The following STK11IP variants were observed in gnomAD, a reference collection of about 807,000 sequenced individuals.
STK11IP encodes the protein serine/threonine-protein kinase 11-interacting protein.
In STK11IP, 103 loss-of-function variants were observed where a neutral mutation model predicts 131.7. The observed-to-expected ratio is 0.78, with a 90% CI of 0.67 to 0.92. The LOEUF is 0.92. STK11IP is among the 40% of genes least tolerant of loss of function. The pLI is 0.00. For synonymous variants in STK11IP, 557 were observed against 575.6 expected, an observed-to-expected ratio of 0.97 and a Z score of 0.46; for missense variants, 1,315 against 1,385.7, an observed-to-expected ratio of 0.95 and a Z score of 0.81.
chr2:219,613,711 ACT>A, intron 20 of STK11IP, 39 bp from the exon 21 acceptor site: 1 of 1,610,818 alleles, frequency 6.2e-7, no homozygotes, highest in Non-Finnish European at 8.5e-7. Flanking sequence ...CTCTCACTCC[ACT>A]CTCATGCTTC....
chr2:219,606,286 C>T lies in STK11IP; in HGVS notation c.941C>T (p.Thr314Ile), dbSNP rs1352671659. Reference protein sequence around the residue: ...YLSPRARDAATGFLLDGKVLS... With the variant: ...YLSPRARDAAIGFLLDGKVLS... ...TCACCCCGGGCCAGGGATGCTGCTA[C>T]TGGCGTGAGTGATCGTCCTGTGTCC... The change falls in exon 10 of 25, where the codon ACT becomes ATT. Residue 314 changes from threonine (T) to isoleucine (I), a missense_variant. Coordinates refer to ENST00000456909, the MANE Select transcript of STK11IP (RefSeq NM_052902.4). 1 of 1,564,764 alleles carries T rather than the reference C, an allele frequency of 6.4e-7. No homozygotes were observed. The highest frequency in any genetic ancestry group is 8.7e-7 in the Non-Finnish European group (1 of 1,154,324).
intron 7 of STK11IP, among the ~76,000 whole-genome samples, chr2:219,605,076 C>A (rs976885190): frequency 2.0e-5 from 3 of 152,210 alleles, no homozygotes; most frequent in Non-Finnish European, 4.4e-5. Context: ...GTGATCCCCC[C>A]TCTTTGGCCT....
At chr2:219,602,635 AG>A (rs1698026076) in intron 6 of STK11IP, 60 bp downstream of exon 6, 3 of 1,611,240 alleles carry the variant, frequency 1.9e-6, no homozygotes, top group Non-Finnish European at 2.5e-6. Flanking sequence ...TTTGGGGAGG[AG>A]GGCCAGCTGG....
intron 15 of STK11IP, 120 bp from the exon 16 acceptor site, chr2:219,608,977 G>A (rs1458213101): frequency 1.4e-5 from 15 of 1,034,868 alleles, no homozygotes; most frequent in Middle Eastern, 2.6e-4. Flanking sequence ...GAGCTTGGAC[G>A]TCAGTACAGG....
rs1252109794 is a variant in STK11IP, at chr2:219,613,601, GA to G, written c.2538-150del. On this transcript the variant is annotated intron_variant, in intron 20 of 24. Transcript: ENST00000456909. The stretch of plus-strand genomic sequence containing the variant: ...TGAGTGAGGGGGAGATGGGGTGAGT[GA>G]GGGAGGAGATGGAATGAGGGGGAAG... 77 of 814,728 alleles carry G rather than the reference GA, an allele frequency of 9.5e-5. 1 individual carries two copies. The African/African-American group carries it at 1.1e-3, about 11-fold the overall frequency. 50.5% of individuals were successfully genotyped at this position (814,728 alleles called of 1,614,324 possible).
Position 219,609,518 on chromosome 2 carries a change from G to C in STK11IP, c.2082G>C (p.Trp694Cys). 1 of 1,577,332 alleles carries C rather than the reference G, an allele frequency of 6.3e-7. No homozygotes were observed. Among genetic ancestry groups the C allele is most frequent in the Non-Finnish European group, 8.6e-7 (1 of 1,160,864 alleles). The change falls in exon 17 of 25, where the codon TGG becomes TGC. Residue 694 changes from tryptophan to cysteine, a missense_variant. Coordinates refer to ENST00000456909, the MANE Select transcript of STK11IP (RefSeq NM_052902.4). ...PRMGLDSEEG[W>C]RPLFQKTESP... ...TGGGATTAGACAGTGAGGAAGGCTG[G>C]AGGCCTCTGTTCCAAAAGACAGGTA...
At position 219,611,998 on chromosome 2, in the gene STK11IP, G is replaced by T; in HGVS notation, c.2379G>T (p.Arg793=). The T allele has an allele frequency of 6.2e-7, 1 of 1,604,760 alleles. No individual in the cohort carries two copies. Among genetic ancestry groups the T allele is most frequent in the Non-Finnish European group, 8.5e-7 (1 of 1,176,592 alleles). Residue 793 remains arginine, a synonymous_variant, in exon 19 of 25, where the codon CGG becomes CGT. Transcript: ENST00000456909. ...TCCGCTCTGTGGACCACCGACTCCG[G>T]CTCTTCCTGGATGTTGAGGTGTTCA... ...CGLRSVDHRL[R]LFLDVEVFSD... is the part of the protein sequence containing the mutation.
chr2:219,615,940 A>T, intron 24 of STK11IP, 104 bp from the exon 25 acceptor site: 1 of 1,467,720 alleles, frequency 6.8e-7, no homozygotes, highest in Non-Finnish European at 9.3e-7. Flanking sequence ...GGGGAGAGGC[A>T]CTGAGCCAAG....
chr2:219,613,104 C>G, intron 19 of STK11IP, 24 bp from the exon 20 acceptor site: 1 of 1,604,214 alleles, frequency 6.2e-7, no homozygotes, highest in Non-Finnish European at 8.5e-7. Flanking sequence ...CATCAGGTTT[C>G]TCACCAACTT....
At chr2:219,600,041 G>GGTT (rs1697929897) in intron 2 of STK11IP, among the ~76,000 whole-genome samples, 1 of 91,932 alleles carries the variant, frequency 1.1e-5, no homozygotes, top group African/African-American at 4.1e-5. Flanking sequence ...TGCCCTTTGT[G>GGTT]TTTTTTTTTT....
chr2:219,602,640 C>A lies in STK11IP; in HGVS notation c.546+65C>A, dbSNP rs1698026338. On this transcript the variant is annotated intron_variant, in intron 6 of 24. Coordinates refer to ENST00000456909, the MANE Select transcript of STK11IP (RefSeq NM_052902.4). ...AGGCCAGGCCTTTGGGGAGGAGGGC[C>A]AGCTGGTTGACCAGATAGTATTGTA... The A allele has an allele frequency of 3.7e-6, 6 of 1,610,720 alleles. No individual in the cohort carries two copies. In the South Asian group the frequency reaches 4.4e-5, roughly 12 times the overall value.
At chr2:219,606,576 G>A in intron 11 of STK11IP, 59 bp downstream of exon 11, 2 of 1,610,802 alleles carry the variant, frequency 1.2e-6, no homozygotes, top group South Asian at 2.2e-5. Context: ...GGGCGCTGGG[G>A]AGAGAACAGA....
At chr2:219,612,397 G>T (rs914508881) in intron 19 of STK11IP, among the ~76,000 whole-genome samples, 1 of 152,238 alleles carries the variant, frequency 6.6e-6, no homozygotes, top group African/African-American at 2.4e-5. Context: ...AGCACCTGTT[G>T]TGCTAGACAT....
At position 219,614,641 on chromosome 2, in the gene STK11IP, A is replaced by G. The variant is rs578013443; in HGVS notation, c.2869+95A>G. On this transcript the variant is annotated intron_variant, in intron 23 of 24. Coordinates refer to ENST00000456909, the MANE Select transcript of STK11IP (RefSeq NM_052902.4). Reference sequence around the variant, plus strand: ...CGCAGCACCTGTACAGTGCCCTTGCAGCAACTGTCAGTTCCTGGAACCTGG... The same window carrying G: ...CGCAGCACCTGTACAGTGCCCTTGCGGCAACTGTCAGTTCCTGGAACCTGG... 4.0e-6 allele frequency: 5 copies of G among 1,235,964 alleles called. No individual in the cohort carries two copies. The African/African-American group carries it at 7.4e-5, about 18-fold the overall frequency. 76.6% of individuals were successfully genotyped at this position (1,235,964 alleles called of 1,614,324 possible).
At chr2:219,601,475 G>A (rs1697981144) in intron 3 of STK11IP, 35 bp downstream of exon 3, 1 of 1,608,646 alleles carries the variant, frequency 6.2e-7, no homozygotes, top group Admixed American at 1.7e-5. Flanking sequence ...GATGTGCAAG[G>A]AGCCCAAGAG....
At chr2:219,601,904 T>C in intron 4 of STK11IP, 84 bp from the exon 5 acceptor site, 1 of 1,351,472 alleles carries the variant, frequency 7.4e-7, no homozygotes, top group Non-Finnish European at 1.0e-6. Flanking sequence ...TGTGGTCTTC[T>C]CCCTCCTCCC....
intron 8 of STK11IP, 31 bp from the exon 9 acceptor site, chr2:219,605,925 T>C (rs764552559): frequency 1.3e-6 from 2 of 1,561,852 alleles, no homozygotes; most frequent in Admixed American, 1.9e-5. Flanking sequence ...CTCATCCACA[T>C]GCTCTTCCTT....
In STK11IP at chr2:219,611,621, CCTAA is replaced by C; in HGVS notation, c.2125_2128del (p.Asn709ValfsTer130). Reference sequence around the variant, plus strand: ...CCCTCCAGAATCTCCTGCTGTGTGTCCTAACTGTGGTAGTGACCACGTGGTTCTC... The same window carrying C: ...CCCTCCAGAATCTCCTGCTGTGTGTCCTGTGGTAGTGACCACGTGGTTCTC... On this transcript the variant is annotated frameshift_variant, in exon 18 of 25. Transcript: ENST00000456909. LOFTEE classifies it high-confidence loss of function. 6.2e-7 allele frequency: 1 copy of C among 1,613,018 alleles called. No homozygotes were observed. Among genetic ancestry groups the C allele is most frequent in the Non-Finnish European group, 8.5e-7 (1 of 1,179,762 alleles).
At position 219,606,828 on chromosome 2, in the gene STK11IP, T is replaced by A; in HGVS notation, c.1104T>A (p.Val368=). ...DLSDSLSSGG[V]VTQPLLHKVK... is the part of the protein sequence containing the mutation. ...GTGACAGCCTCTCCTCAGGGGGTGT[T>A]GTGACCCAGCCCCTGCTTCATAAGG... The change falls in exon 12 of 25, where the codon GTT becomes GTA. Residue 368 remains valine, a synonymous_variant. Coordinates refer to ENST00000456909, the MANE Select transcript of STK11IP (RefSeq NM_052902.4). 1 of 1,613,268 alleles carries A rather than the reference T, an allele frequency of 6.2e-7. No homozygotes were observed. Among genetic ancestry groups the A allele is most frequent in the Non-Finnish European group, 8.5e-7 (1 of 1,179,548 alleles).
Sources: gnomAD v4.1 joint callset for allele counts (sites outside exome capture counted in the v4.1 genomes callset) on GRCh38, gnomAD v4.1.1 for gene constraint, MANE v1.5 for transcripts, NCBI Gene and HGNC (gene_info 2026-07-23, HGNC 2026-07-21) for gene names.